The following PBX3 variants were observed in gnomAD, a reference collection of about 807,000 sequenced individuals.
PBX3 encodes the protein pre-B-cell leukemia transcription factor 3.
Under a neutral mutation model 48.5 loss-of-function variants are expected in PBX3, and 14 were observed. That is an observed-to-expected ratio of 0.29 (90% CI 0.19 to 0.45). The LOEUF is 0.45. Among genes scored for constraint, PBX3 ranks in the 20% least tolerant of loss-of-function variants. The probability of loss-of-function intolerance (pLI) is 1.00; values close to 1 mark genes in which losing one functional copy is unlikely to be tolerated. For missense variants in PBX3, 386 were observed against 546.7 expected (o/e 0.71, Z 2.93); for synonymous variants, 210 against 200.3 (o/e 1.05, Z -0.41).
At chr9:125,793,309 G>A (rs149661950) in intron 2 of PBX3, among the ~76,000 whole-genome samples, 3,869 of 146,050 alleles carry the variant, frequency 0.026, 211 homozygotes, top group African/African-American at 0.093. Flanking sequence ...GCAAGATTGC[G>A]CCACCGCACT....
At chr9:125,965,407 G>A (rs958657321) in intron 8 of PBX3, among the ~76,000 whole-genome samples, 3 of 152,212 alleles carry the variant, frequency 2.0e-5, no homozygotes, top group South Asian at 2.1e-4. Context: ...TGGAAAAAGG[G>A]TGGGCAACTG....
At chr9:125,921,225 T>C (rs570670954) in intron 3 of PBX3, among the ~76,000 whole-genome samples, 7 of 152,328 alleles carry the variant, frequency 4.6e-5, no homozygotes, top group Non-Finnish European at 1.0e-4. Flanking sequence ...TCCCTTTTTT[T>C]CCTTCGAGTT....
At chr9:125,955,114 G>A (rs1282696344) in intron 5 of PBX3, among the ~76,000 whole-genome samples, 1 of 152,152 alleles carries the variant, frequency 6.6e-6, no homozygotes, top group East Asian at 1.9e-4. Context: ...CAATGACCCT[G>A]GACAGGCACA....
At chr9:125,914,512 G>A (rs144148303) in intron 2 of PBX3, among the ~76,000 whole-genome samples, 1 of 152,202 alleles carries the variant, frequency 6.6e-6, no homozygotes, top group Non-Finnish European at 1.5e-5. Flanking sequence ...CAGAGTTGGT[G>A]ATCAGTTGAG....
intron 5 of PBX3, among the ~76,000 whole-genome samples, chr9:125,940,006 A>G (rs1458384839): frequency 6.6e-6 from 1 of 151,926 alleles, no homozygotes; most frequent in African/African-American, 2.4e-5. Context: ...ACATGGAGAA[A>G]CCCCGTCTCT....
intron 2 of PBX3, among the ~76,000 whole-genome samples, chr9:125,867,942 C>T (rs1840029648): frequency 6.6e-6 from 1 of 152,058 alleles, no homozygotes; most frequent in South Asian, 2.1e-4. Context: ...GTGACACAGT[C>T]ATGATTCACT....
At chr9:125,795,124 G>T (rs1837740083) in intron 2 of PBX3, among the ~76,000 whole-genome samples, 1 of 152,080 alleles carries the variant, frequency 6.6e-6, no homozygotes, top group South Asian at 2.1e-4. Context: ...TTATAATTCT[G>T]TTCTTTGCGT....
At chr9:125,962,039 AG>A in intron 6 of PBX3, 62 bp from the exon 7 acceptor site, 1 of 800,484 alleles carries the variant, frequency 1.2e-6, no homozygotes, top group Non-Finnish European at 2.2e-6. Flanking sequence ...CCCTGCCTCT[AG>A]GTCTTTGAGG....
At chr9:125,909,328 A>G (rs1008964776) in intron 2 of PBX3, among the ~76,000 whole-genome samples, 2 of 152,172 alleles carry the variant, frequency 1.3e-5, no homozygotes, top group Non-Finnish European at 1.5e-5. Context: ...AAGAGAAAAT[A>G]TAATGAAACT....
intron 5 of PBX3, among the ~76,000 whole-genome samples, chr9:125,951,413 C>T (rs1842193579): frequency 6.6e-6 from 1 of 152,096 alleles, no homozygotes; most frequent in South Asian, 2.1e-4. Context: ...GCTGCCTGTT[C>T]CCTCTTGCCA....
At position 125,763,114 on chromosome 9, in the gene PBX3, C is replaced by T. The variant is rs576713696; in HGVS notation, c.274+14491C>T. Among the ~76,000 whole-genome samples, 8 of 152,176 alleles carry T rather than the reference C, an allele frequency of 5.3e-5. No homozygotes were observed. The East Asian group carries it at 1.4e-3, about 26-fold the overall frequency. On this transcript the variant is annotated intron_variant, in intron 2 of 8. Transcript: ENST00000373489. ...CAGCAAATACAGTGCTGAAATTGAG[C>T]CAATGGCATAAAATATTTTATCTTC...
chr9:125,897,048 G>T (rs1205429201), intron 2 of PBX3, among the ~76,000 whole-genome samples: 1 of 150,970 alleles, frequency 6.6e-6, no homozygotes, highest in Non-Finnish European at 1.5e-5. Flanking sequence ...ATATCTAAAT[G>T]CTATTGACTT....
intron 2 of PBX3, among the ~76,000 whole-genome samples, chr9:125,869,202 C>A: frequency 6.6e-6 from 1 of 151,782 alleles, no homozygotes; most frequent in Non-Finnish European, 1.5e-5. Context: ...AATTAGCGGA[C>A]AATGGATATG....
At chr9:125,865,465 TTAGA>T (rs1322035908) in intron 2 of PBX3, among the ~76,000 whole-genome samples, 11 of 152,226 alleles carry the variant, frequency 7.2e-5, no homozygotes, top group Non-Finnish European at 1.2e-4. Context: ...CAGTGCTTCA[TTAGA>T]TAGATGAAAA....
intron 2 of PBX3, among the ~76,000 whole-genome samples, chr9:125,891,199 G>T (rs1840633250): frequency 6.6e-6 from 1 of 152,174 alleles, no homozygotes; most frequent in Admixed American, 6.5e-5. Flanking sequence ...AAAAACAAAT[G>T]ACATTTGCTT....
At chr9:125,899,371 ATATG>A (rs1395202050) in intron 2 of PBX3, among the ~76,000 whole-genome samples, 2 of 129,092 alleles carry the variant, frequency 1.5e-5, no homozygotes, top group African/African-American at 5.5e-5. Context: ...ATATATACAT[ATATG>A]TATATATTTT....
At chr9:125,816,960 A>G (rs938337069) in intron 2 of PBX3, among the ~76,000 whole-genome samples, 2 of 152,086 alleles carry the variant, frequency 1.3e-5, no homozygotes, top group African/African-American at 2.4e-5. Context: ...GAGTTCTTAT[A>G]TGGTTTCATT....
intron 1 of PBX3, 96 bp downstream of exon 1, chr9:125,747,749 A>G (rs1836235169): frequency 2.2e-6 from 2 of 911,934 alleles, no homozygotes; most frequent in South Asian, 4.9e-5. Flanking sequence ...CTAGGGCCGC[A>G]GCCCCCGGCG....
intron 3 of PBX3, among the ~76,000 whole-genome samples, chr9:125,916,723 A>C (rs10987028): frequency 0.02 from 3,085 of 152,312 alleles, 176 homozygotes; most frequent in East Asian, 0.17. Flanking sequence ...TAATGTAATA[A>C]AGTAAAATAT....
Sources: allele counts gnomAD v4.1 joint callset (sites outside exome capture counted in the v4.1 genomes callset), GRCh38; gene constraint gnomAD v4.1.1; transcripts MANE v1.5; gene names NCBI Gene and HGNC (gene_info 2026-07-23, HGNC 2026-07-21).